The following TBL1XR1 variants were observed in gnomAD, a reference collection of about 807,000 sequenced individuals.
The protein encoded by TBL1XR1 is TBL1X/Y related 1, also known as F-box-like/WD repeat-containing protein TBL1XR1.
A neutral mutation model predicts 66.9 loss-of-function variants in TBL1XR1; 5 were observed. That is an observed-to-expected ratio of 0.07 (90% confidence interval 0.04 to 0.16). The LOEUF (loss-of-function observed/expected upper bound fraction) is 0.16. TBL1XR1 is among the 10% of genes least tolerant of loss of function. The pLI is 1.00. For missense variants in TBL1XR1, 238 were observed against 623.2 expected, an observed-to-expected ratio of 0.38 and a Z score of 6.58; for synonymous variants, 210 against 206.0, an observed-to-expected ratio of 1.02 and a Z score of -0.17.
At chr3:177,184,952 T>C (rs1735232453) in intron 1 of TBL1XR1, among the ~76,000 whole-genome samples, 1 of 152,210 alleles carries the variant, frequency 6.6e-6, no homozygotes, top group Non-Finnish European at 1.5e-5. Context: ...CAGTTACAGC[T>C]CTTTAAGAAC....
At chr3:177,096,506 T>C (rs1409548755) in intron 2 of TBL1XR1, among the ~76,000 whole-genome samples, 4 of 152,170 alleles carry the variant, frequency 2.6e-5, no homozygotes, top group African/African-American at 9.7e-5. Flanking sequence ...CACTTAAGGA[T>C]AGGCATTTGT....
At chr3:177,027,588 A>G (rs917482925) in intron 14 of TBL1XR1, 2 of 151,306 alleles carry the variant, frequency 1.3e-5, no homozygotes, top group Admixed American at 6.6e-5. Context: ...ATGGTAACCT[A>G]AAGTCAAGCT....
chr3:177,053,034 G>A (rs543183030), intron 4 of TBL1XR1, among the ~76,000 whole-genome samples: 5 of 152,222 alleles, frequency 3.3e-5, no homozygotes, highest in Admixed American at 1.3e-4. Context: ...CCCAGGAGGC[G>A]GAGGTTGCAG....
intron 2 of TBL1XR1, among the ~76,000 whole-genome samples, chr3:177,090,234 CAAAAATAGTTT>C (rs2108639320): frequency 6.6e-6 from 1 of 151,808 alleles, no homozygotes; most frequent in Non-Finnish European, 1.5e-5. Context: ...CAAGATAAAC[CAAAAATAGTTT>C]GATTTTTAAA....
chr3:177,168,906 G>C (rs982581233), intron 1 of TBL1XR1, among the ~76,000 whole-genome samples: 1 of 152,134 alleles, frequency 6.6e-6, no homozygotes, highest in Non-Finnish European at 1.5e-5. Context: ...GATTTGGAGA[G>C]GGGGAAACAA....
chr3:177,181,022 A>C (rs895093579), intron 1 of TBL1XR1, among the ~76,000 whole-genome samples: 1 of 151,910 alleles, frequency 6.6e-6, no homozygotes. Flanking sequence ...GGCGTGACCC[A>C]TGGCACTGGA....
intron 1 of TBL1XR1, among the ~76,000 whole-genome samples, chr3:177,176,059 TAA>T (rs1217018820): frequency 7.8e-5 from 10 of 127,594 alleles, no homozygotes; most frequent in Admixed American, 1.6e-4. Context: ...ACTCTGTCTC[TAA>T]AAAAAAAAAA....
At chr3:177,172,700 G>A (rs1733706708) in intron 1 of TBL1XR1, among the ~76,000 whole-genome samples, 1 of 141,388 alleles carries the variant, frequency 7.1e-6, no homozygotes, top group East Asian at 2.3e-4. Context: ...GAGGGGAGGA[G>A]AGGGAAGAGA....
At chr3:177,065,750 C>A (rs1317867492) in intron 2 of TBL1XR1, among the ~76,000 whole-genome samples, 2 of 152,186 alleles carry the variant, frequency 1.3e-5, no homozygotes, top group South Asian at 4.1e-4. Context: ...AAGAGCCAAA[C>A]AATAAATATT....
rs1453106113 is a variant in TBL1XR1, at chr3:177,112,087, ATATATATATATATATATATATTTT to A, written c.-121-13570_-121-13547del. ...GATATAAAATCAAATATATATATAT[ATATATATATATATATATATATTTT>A]TTTTTTTTTTTTTTGTGAGGGGCTC... On this transcript the variant is annotated intron_variant, in intron 1 of 15. Transcript: ENST00000457928. Among the ~76,000 whole-genome samples the A allele has an allele frequency of 7.0e-5, 3 of 42,954 alleles. 1 individual carries two copies. Among genetic ancestry groups the A allele is most frequent in the Admixed American group, 6.6e-4 (3 of 4,516 alleles). 28.2% of individuals were successfully genotyped at this position (42,954 alleles called of 152,430 possible).
intron 2 of TBL1XR1, among the ~76,000 whole-genome samples, chr3:177,097,729 A>C (rs1038528648): frequency 6.6e-6 from 1 of 152,242 alleles, no homozygotes; most frequent in Non-Finnish European, 1.5e-5. Flanking sequence ...TGCAATACAC[A>C]AAAACAATCT....
At chr3:177,199,043 G>C (rs372268307), upstream of TBL1XR1, among the ~76,000 whole-genome samples, 1 of 152,132 alleles carries the variant, frequency 6.6e-6, no homozygotes. Context: ...GGCCTTTCCT[G>C]AATGACCTAG....
chr3:177,024,713 G>GAAAAAAAAAAAAAAAAAAACAAAAAAAA lies in TBL1XR1; in HGVS notation c.*784_*785insTTTTTTTTGTTTTTTTTTTTTTTTTTTT, dbSNP rs148659524. ...AGCCACATCACCAAAAAACAAAAAA[G>GAAAAAAAAAAAAAAAAAAACAAAAAAAA]AAAAAAAAAAAAAAAAAGCAAAACA... On this transcript the variant is annotated 3_prime_UTR_variant, in exon 16 of 16. Coordinates refer to ENST00000457928, the MANE Select transcript of TBL1XR1 (RefSeq NM_024665.7). 11 of 85,334 alleles carry GAAAAAAAAAAAAAAAAAAACAAAAAAAA rather than the reference G, an allele frequency of 1.3e-4. No homozygotes were observed. Among genetic ancestry groups the GAAAAAAAAAAAAAAAAAAACAAAAAAAA allele is most frequent in the East Asian group, 5.6e-4 (2 of 3,580 alleles). 5.3% of individuals were successfully genotyped at this position (85,334 alleles called of 1,614,324 possible). A position where few individuals can be genotyped will look rare whatever the true frequency, so the allele number is the denominator to read the frequency against.
At chr3:177,170,612 T>C (rs1000142002) in intron 1 of TBL1XR1, among the ~76,000 whole-genome samples, 1 of 152,138 alleles carries the variant, frequency 6.6e-6, no homozygotes, top group African/African-American at 2.4e-5. Flanking sequence ...ACATTTATAT[T>C]CTAAAGTCCT....
intron 1 of TBL1XR1, among the ~76,000 whole-genome samples, chr3:177,126,938 T>TAAG (rs1383008782): frequency 6.6e-6 from 1 of 152,094 alleles, no homozygotes; most frequent in Non-Finnish European, 1.5e-5. Context: ...GCTTAAGGAA[T>TAAG]AAGAGCATTA....
At chr3:177,095,729 G>C (rs1723396780) in intron 2 of TBL1XR1, among the ~76,000 whole-genome samples, 1 of 152,088 alleles carries the variant, frequency 6.6e-6, no homozygotes, top group South Asian at 2.1e-4. Context: ...TGATCCGCCT[G>C]CCTCGGCCTC....
chr3:177,182,329 G>A (rs1449752765), intron 1 of TBL1XR1, among the ~76,000 whole-genome samples: 1 of 152,126 alleles, frequency 6.6e-6, no homozygotes, highest in African/African-American at 2.4e-5. Flanking sequence ...GGGCTGCAGT[G>A]AGCCATGACC....
In TBL1XR1 at chr3:177,149,159, C is replaced by T. The variant is rs145687139; in HGVS notation, c.-122+47962G>A. On this transcript the variant is annotated intron_variant, in intron 1 of 15. Coordinates refer to ENST00000457928, the MANE Select transcript of TBL1XR1 (RefSeq NM_024665.7). ...GCAACAGCCAATGCTAGCCATTTCC[C>T]GGTGATTGCAATGCGGAGTACCTGT... 1.3e-3 allele frequency among the ~76,000 whole-genome samples: 201 copies of T among 152,250 alleles called. 1 individual carries two copies. Among genetic ancestry groups the T allele is most frequent in the African/African-American group, 4.6e-3 (193 of 41,534 alleles).
At chr3:177,199,905 G>A (rs187228927), upstream of TBL1XR1, among the ~76,000 whole-genome samples, 340 of 152,220 alleles carry the variant, frequency 2.2e-3, 2 homozygotes, top group Middle Eastern at 3.4e-3. Context: ...TTACAAATCC[G>A]TTGCAGTAAA....
Sources: allele counts gnomAD v4.1 joint callset (sites outside exome capture counted in the v4.1 genomes callset), GRCh38; gene constraint gnomAD v4.1.1; transcripts MANE v1.5; gene names NCBI Gene and HGNC (gene_info 2026-07-23, HGNC 2026-07-21).